The following KYNU variants were observed in gnomAD, a reference collection of about 807,000 sequenced individuals.
KYNU encodes L-kynurenine hydrolase.
A neutral mutation model predicts 59.2 loss-of-function variants in KYNU; 54 were observed. That is an observed-to-expected ratio of 0.91 (90% CI 0.73 to 1.14). The LOEUF is 1.14. Ranked by LOEUF, KYNU falls within the 50% of genes most tolerant of loss-of-function variation. The pLI is 0.00. For missense variants in KYNU, 567 were observed against 554.4 expected (o/e 1.02, Z -0.23); for synonymous variants, 177 against 192.0 (o/e 0.92, Z 0.65).
intron 8 of KYNU, among the ~76,000 whole-genome samples, chr2:142,962,070 T>G (rs1684374353): frequency 1.3e-5 from 2 of 152,238 alleles, no homozygotes; most frequent in Non-Finnish European, 2.9e-5. Flanking sequence ...TAATGTCTTC[T>G]TAATTTAGAT....
chr2:143,034,254 T>A lies in KYNU; in HGVS notation c.1041+933T>A, dbSNP rs755278156. Among the ~76,000 whole-genome samples the A allele has an allele frequency of 2.9e-4, 44 of 152,082 alleles. 1 individual carries two copies. The highest frequency in any genetic ancestry group is 3.1e-4 in the Non-Finnish European group (21 of 68,006). On this transcript the variant is annotated intron_variant, in intron 12 of 13. Transcript: ENST00000264170. ...AGTAAATGTGCATATATATTTCTAATAGAAGTTTTACATAGAACTATTCAA... is the reference window on the plus strand; with the variant it reads ...AGTAAATGTGCATATATATTTCTAAAAGAAGTTTTACATAGAACTATTCAA...
At chr2:142,931,273 T>C (rs890603723) in intron 4 of KYNU, among the ~76,000 whole-genome samples, 1 of 152,156 alleles carries the variant, frequency 6.6e-6, no homozygotes, top group African/African-American at 2.4e-5. Flanking sequence ...ATAAAAGGGA[T>C]AAGGGGCCTC....
chr2:142,934,263 G>A (rs908197755), intron 4 of KYNU, among the ~76,000 whole-genome samples: 1 of 152,170 alleles, frequency 6.6e-6, no homozygotes, highest in Non-Finnish European at 1.5e-5. Flanking sequence ...GTGGATGGGG[G>A]TGTGGTGTTT....
At chr2:143,002,123 T>G (rs1336419247) in intron 10 of KYNU, among the ~76,000 whole-genome samples, 1 of 152,196 alleles carries the variant, frequency 6.6e-6, no homozygotes, top group African/African-American at 2.4e-5. Flanking sequence ...AAGGTCCAGG[T>G]GCTCTCTTTG....
chr2:142,990,639 C>T (rs777991087), intron 10 of KYNU, among the ~76,000 whole-genome samples: 1 of 151,864 alleles, frequency 6.6e-6, no homozygotes, highest in South Asian at 2.1e-4. Flanking sequence ...TCACTCTTCA[C>T]GCTGGTGTAG....
At chr2:142,970,972 T>C (rs1684702229) in intron 8 of KYNU, among the ~76,000 whole-genome samples, 2 of 152,168 alleles carry the variant, frequency 1.3e-5, no homozygotes, top group South Asian at 4.1e-4. Flanking sequence ...CAGTCAACCA[T>C]TACTTGCTTC....
At chr2:143,002,122 G>A (rs352889) in intron 10 of KYNU, among the ~76,000 whole-genome samples, 69,590 of 151,922 alleles carry the variant, frequency 0.46, 16,544 homozygotes, top group South Asian at 0.66. Context: ...CAAGGTCCAG[G>A]TGCTCTCTTT....
At chr2:142,918,856 G>C in intron 3 of KYNU, 127 bp downstream of exon 3, 1 of 1,101,942 alleles carries the variant, frequency 9.1e-7, no homozygotes, top group Non-Finnish European at 1.3e-6. Flanking sequence ...GGCATCTGTG[G>C]AGGATTAGTT....
chr2:142,897,782 G>A (rs1172144835), intron 2 of KYNU, among the ~76,000 whole-genome samples: 1 of 152,072 alleles, frequency 6.6e-6, no homozygotes, highest in Non-Finnish European at 1.5e-5. Context: ...ATCTAAACAG[G>A]AGAGCATTCT....
chr2:143,000,448 T>C (rs1350417531), intron 10 of KYNU, among the ~76,000 whole-genome samples: 1 of 152,224 alleles, frequency 6.6e-6, no homozygotes, highest in Non-Finnish European at 1.5e-5. Flanking sequence ...CTTATTGAGG[T>C]CAAAATAGAA....
chr2:143,014,119 C>T (rs1686187574), intron 10 of KYNU, among the ~76,000 whole-genome samples: 1 of 152,234 alleles, frequency 6.6e-6, no homozygotes, highest in African/African-American at 2.4e-5. Context: ...CATTCCTACA[C>T]AAAGATTATG....
chr2:143,029,835 T>C (rs1291250972), intron 11 of KYNU, among the ~76,000 whole-genome samples, 156 bp downstream of exon 11: 1 of 152,224 alleles, frequency 6.6e-6, no homozygotes, highest in Non-Finnish European at 1.5e-5. Flanking sequence ...TTCCAGAGTG[T>C]AAGACTAAGA....
rs372027495 is a variant in KYNU at position 142,932,084 on chromosome 2, C to T, written c.373+4343C>T. Among the ~76,000 whole-genome samples, 28 of 152,218 alleles carry T rather than the reference C, an allele frequency of 1.8e-4. No individual in the cohort carries two copies. In the East Asian group the frequency reaches 4.4e-3, roughly 24 times the overall value. ...AGGCTTGGTCGGTAGGAAAAGGTAG[C>T]GGCCAGAGGGAGCCTTGGGGTGACA... On this transcript the variant is annotated intron_variant, in intron 4 of 13. Coordinates refer to ENST00000264170, the MANE Select transcript of KYNU (RefSeq NM_003937.3).
rs1462884537 is a variant in KYNU, at chr2:143,053,860, G to A, written c.*11688G>A. On this transcript the variant is annotated 3_prime_UTR_variant, in exon 14 of 14. Transcript: ENST00000264170. ...GTAAAAAGCCAGGGACTTGCCATTAGCGTTGGAAGTGGGGTTGTGGGGGCA... is the reference window on the plus strand; with the variant it reads ...GTAAAAAGCCAGGGACTTGCCATTAACGTTGGAAGTGGGGTTGTGGGGGCA... 6.6e-6 allele frequency: 1 copy of A among 152,242 alleles called. No individual in the cohort carries two copies. Among genetic ancestry groups the A allele is most frequent in the Non-Finnish European group, 1.5e-5 (1 of 68,084 alleles). The allele number at this position is 152,242 out of a possible 1,614,324, so 9.4% of individuals were successfully genotyped here.
intron 4 of KYNU, among the ~76,000 whole-genome samples, chr2:142,928,589 C>G (rs1448564002): frequency 1.3e-5 from 2 of 152,032 alleles, no homozygotes; most frequent in African/African-American, 4.8e-5. Context: ...GAAAGCTGGA[C>G]TTATGCATAG....
chr2:143,055,668 AAG>A lies in KYNU; in HGVS notation c.*13497_*13498del. 1 of 152,308 alleles carries A rather than the reference AAG, an allele frequency of 6.6e-6. No homozygotes were observed. Among genetic ancestry groups the A allele is most frequent in the Non-Finnish European group, 1.5e-5 (1 of 68,040 alleles). The allele number at this position is 152,308 out of a possible 1,614,324, so 9.4% of individuals were successfully genotyped here. A position where few individuals can be genotyped will look rare whatever the true frequency, so the allele number is the denominator to read the frequency against. On this transcript the variant is annotated 3_prime_UTR_variant, in exon 14 of 14. Coordinates refer to ENST00000264170, the MANE Select transcript of KYNU (RefSeq NM_003937.3). ...GAAGGAAGGAAGGAAGGAAGGAAGG[AAG>A]GAAGGAAGGAAGGAAAGGGAGGAGA... is the stretch of plus-strand genomic sequence containing the variant.
chr2:142,912,623 C>T (rs561922561), intron 2 of KYNU, among the ~76,000 whole-genome samples: 2 of 151,532 alleles, frequency 1.3e-5, no homozygotes, highest in South Asian at 2.1e-4. Flanking sequence ...AGGTGATCCG[C>T]CCACCTCGGC....
At chr2:142,905,687 A>G (rs1345598805) in intron 2 of KYNU, among the ~76,000 whole-genome samples, 1 of 152,202 alleles carries the variant, frequency 6.6e-6, no homozygotes, top group Non-Finnish European at 1.5e-5. Flanking sequence ...GGTTTCCTCT[A>G]AAGGTTATTT....
rs981622799 is a variant in KYNU, at chr2:143,044,794, A to C, written c.*2622A>C. 9 of 152,102 alleles carry C rather than the reference A, an allele frequency of 5.9e-5. No individual in the cohort carries two copies. Among genetic ancestry groups the C allele is most frequent in the Admixed American group, 5.2e-4 (8 of 15,240 alleles). The allele number at this position is 152,102 out of a possible 1,614,324, so 9.4% of individuals were successfully genotyped here. A position where few individuals can be genotyped will look rare whatever the true frequency, so the allele number is the denominator to read the frequency against. ...TTCTGTAGGTTGCCCGATCACTCTG[A>C]TGATAGTTTCTTTTGCTGTGTAGAA... On this transcript the variant is annotated 3_prime_UTR_variant, in exon 14 of 14. Coordinates refer to ENST00000264170, the MANE Select transcript of KYNU (RefSeq NM_003937.3).
Sources: allele counts gnomAD v4.1 joint callset (sites outside exome capture counted in the v4.1 genomes callset), GRCh38; gene constraint gnomAD v4.1.1; transcripts MANE v1.5; gene names NCBI Gene and HGNC (gene_info 2026-07-23, HGNC 2026-07-21).